Variants in ZAN observed in about 807,000 individuals in gnomAD.
The protein encoded by ZAN is zonadhesin (gene/pseudogene).
ZAN carries 260 observed loss-of-function variants against 286.2 expected under a neutral mutation model. The observed-to-expected ratio is 0.91, with a 90% CI of 0.82 to 1.01. The LOEUF (loss-of-function observed/expected upper bound fraction) is 1.01. Ranked by LOEUF, ZAN falls within the 50% of genes least tolerant of loss-of-function variation. The probability of loss-of-function intolerance (pLI) is 0.00; values close to 1 mark genes in which losing one functional copy is unlikely to be tolerated. For missense variants in ZAN, 3,410 were observed against 3,639.2 expected, an observed-to-expected ratio of 0.94 and a Z score of 1.62; for synonymous variants, 1,368 against 1,417.5, an observed-to-expected ratio of 0.97 and a Z score of 0.79.
chr7:100,780,651 A>C (rs1811137320), intron 35 of ZAN, among the ~76,000 whole-genome samples: 1 of 97,120 alleles, frequency 1.0e-5, no homozygotes, highest in East Asian at 3.9e-4. Flanking sequence ...ACAGAGTGAG[A>C]CTCTCAGAAA....
At position 100,772,020 on chromosome 7, in the gene ZAN, C is replaced by G. The variant is rs201562231; in HGVS notation, c.5425C>G (p.Pro1809Ala). 2 of 1,591,298 alleles carry G rather than the reference C, an allele frequency of 1.3e-6. No individual in the cohort carries two copies. Among genetic ancestry groups the G allele is most frequent in the Non-Finnish European group, 1.7e-6 (2 of 1,170,160 alleles). Residue 1809 changes from proline to alanine, a missense_variant and splice_region_variant, in exon 29 of 48, where the codon CCT (proline) becomes GCT (alanine). By Grantham distance (27) the Pro-to-Ala change is conservative (BLOSUM62 -1). Coordinates refer to ENST00000613979, the MANE Select transcript of ZAN (RefSeq NM_003386.3). ...TGCCTGGCGGAACAGAACCTTCTGCCGTGAGTGACTGGCCACCTGTTCCCA... is the reference window on the plus strand; with the variant it reads ...TGCCTGGCGGAACAGAACCTTCTGCGGTGAGTGACTGGCCACCTGTTCCCA... The part of the protein sequence containing the change: ...APAWRNRTFC[P>A]MRCPPGSSYS...
In ZAN at chr7:100,792,021, C is replaced by T; in HGVS notation, c.7585C>T (p.Leu2529Phe). ...QGAELGLRTGLQVSECSPEQL... is the reference protein window; with the variant it reads ...QGAELGLRTGFQVSECSPEQL... ...GGCGGAGCTGGGCCTCCGCACGGGC[C>T]TCCAAGTGTCCGAATGTAGCCCGGA... is the stretch of plus-strand genomic sequence containing the variant. Residue 2529 changes from leucine (L) to phenylalanine (F), a missense_variant, in exon 41 of 48, where the codon CTC becomes TTC. By Grantham distance (22) the Leu-to-Phe change is conservative (BLOSUM62 0). Coordinates refer to ENST00000613979, the MANE Select transcript of ZAN (RefSeq NM_003386.3). The T allele has an allele frequency of 6.2e-7, 1 of 1,613,386 alleles. No individual in the cohort carries two copies. Among genetic ancestry groups the T allele is most frequent in the Non-Finnish European group, 8.5e-7 (1 of 1,179,820 alleles).
intron 34 of ZAN, among the ~76,000 whole-genome samples, chr7:100,777,491 A>G (rs1056149613): frequency 2.6e-5 from 4 of 152,024 alleles, no homozygotes; most frequent in African/African-American, 7.2e-5. Flanking sequence ...AGTAGCTGGG[A>G]TTACAGGTGC....
intron 8 of ZAN, 84 bp from the exon 9 acceptor site, chr7:100,747,466 T>G (rs549542222): frequency 9.0e-7 from 1 of 1,110,038 alleles, no homozygotes; most frequent in South Asian, 1.2e-5. Flanking sequence ...CTATGCCCTC[T>G]GCTCCTCATC....
At chr7:100,766,752 A>C in intron 24 of ZAN, 86 bp downstream of exon 24, 1 of 1,485,268 alleles carries the variant, frequency 6.7e-7, no homozygotes. Context: ...CAGCTTCCCC[A>C]GACAGCTGAG....
intron 45 of ZAN, among the ~76,000 whole-genome samples, chr7:100,796,616 A>G (rs144283181): frequency 0.096 from 14,608 of 152,020 alleles, 786 homozygotes; most frequent in African/African-American, 0.16. Flanking sequence ...GGGTTTCGCC[A>G]TGTTGGCCAG....
chr7:100,764,183 A>T lies in ZAN; in HGVS notation c.4254A>T (p.Glu1418Asp). 1 of 1,568,874 alleles carries T rather than the reference A, an allele frequency of 6.4e-7. No individual in the cohort carries two copies. Among genetic ancestry groups the T allele is most frequent in the Non-Finnish European group, 8.6e-7 (1 of 1,157,926 alleles). ...DAGHAVKPWR[E>D]PHFCPMACPP... ...GCCACGCTGTGAAGCCCTGGAGGGA[A>T]CCCCACTTCTGCCGTGAGTTGTGCC... Residue 1418 changes from glutamate to aspartate, a missense_variant, in exon 22 of 48, where the codon GAA (glutamate) becomes GAT (aspartate). By Grantham distance (45) the Glu-to-Asp change is conservative (BLOSUM62 2). This residue lies in a region of ZAN where 1,042 missense variants were observed against 1,058.0 expected (regional missense o/e 0.98). Coordinates refer to ENST00000613979, the MANE Select transcript of ZAN (RefSeq NM_003386.3).
Position 100,756,102 on chromosome 7 carries a change from G to A in ZAN, c.3309+692G>A, listed in dbSNP as rs113420480. Among the ~76,000 whole-genome samples the A allele has an allele frequency of 2.7e-3, 409 of 152,018 alleles. 1 individual carries two copies. Among genetic ancestry groups the A allele is most frequent in the African/African-American group, 9.4e-3 (391 of 41,496 alleles). ...TAGGGTTTCACCATATATTCTTTAC[G>A]TCTTTAAATCTTTTATCCATATTTA... On this transcript the variant is annotated intron_variant, in intron 15 of 47. Transcript: ENST00000613979.
intron 18 of ZAN, among the ~76,000 whole-genome samples, chr7:100,760,084 C>G (rs1809447653): frequency 6.6e-6 from 1 of 152,110 alleles, no homozygotes; most frequent in Admixed American, 6.6e-5. Context: ...TGTGGTGGCA[C>G]TTGCCTGTTG....
chr7:100,751,235 T>A lies in ZAN; in HGVS notation c.1575T>A (p.Gly525=). Residue 525 remains glycine (G), a synonymous_variant, in exon 13 of 48, where the codon GGT becomes GGA. Transcript: ENST00000613979. ...ACACGGCCTCTGTGGTTGCTATGGG[T>A]TTCATCTTGATCAATCCTGGGACTT... ...GSNTASVVAM[G]FILINPGTCP... is the part of the protein sequence containing the mutation. 6.2e-7 allele frequency: 1 copy of A among 1,609,072 alleles called. No individual in the cohort carries two copies. Among genetic ancestry groups the A allele is most frequent in the African/African-American group, 1.3e-5 (1 of 74,862 alleles).
At chr7:100,787,384 T>C (rs1811629338) in intron 37 of ZAN, among the ~76,000 whole-genome samples, 1 of 151,824 alleles carries the variant, frequency 6.6e-6, no homozygotes, top group Non-Finnish European at 1.5e-5. Flanking sequence ...CCACTTGTAC[T>C]CCAGTCTGGG....
In ZAN at chr7:100,793,812, C is replaced by A; in HGVS notation, c.7788-8C>A. ...CCAGCCAGTTTCTGACCATGACTGT[C>A]CCCGCAGCCATGGAGTGTCCAGCAG... is the stretch of plus-strand genomic sequence containing the variant. On this transcript the variant is annotated splice_polypyrimidine_tract_variant and splice_region_variant and intron_variant, in intron 42 of 47. Transcript: ENST00000613979. 11 of 1,573,926 alleles carry A rather than the reference C, an allele frequency of 7.0e-6. No individual in the cohort carries two copies. Among genetic ancestry groups the A allele is most frequent in the Non-Finnish European group, 8.6e-6 (10 of 1,157,292 alleles).
Position 100,765,366 on chromosome 7 carries a change from C to T in ZAN, c.4282C>T (p.Pro1428Ser). 3.1e-6 allele frequency: 5 copies of T among 1,613,930 alleles called. No individual in the cohort carries two copies. The highest frequency in any genetic ancestry group is 2.7e-5 in the African/African-American group (2 of 75,070). Residue 1428 changes from proline to serine, a missense_variant, in exon 23 of 48, where the codon CCC (proline) becomes TCC (serine). Around this residue, in one of 7 missense-constraint regions of ZAN, gnomAD observed 1,042 missense variants for 1,058.0 expected, o/e 0.98. Coordinates refer to ENST00000613979, the MANE Select transcript of ZAN (RefSeq NM_003386.3). ...CCCTCCACCAGCAATGGCCTGCCCG[C>T]CCAACAGCAAGTACTCCCTGTGTGC... ...EPHFCPMACP[P>S]NSKYSLCAKP...
chr7:100,786,255 T>G, intron 37 of ZAN, 114 bp downstream of exon 37: 7 of 1,477,704 alleles, frequency 4.7e-6, no homozygotes, highest in Non-Finnish European at 6.4e-6. Context: ...AGTCAGGGGT[T>G]GGGGCGGGCG....
chr7:100,776,953 C>T (rs1184579224), intron 34 of ZAN, among the ~76,000 whole-genome samples: 4 of 148,038 alleles, frequency 2.7e-5, no homozygotes, highest in Admixed American at 1.4e-4. Context: ...AGGATGGTCT[C>T]GATCTTCTGA....
At chr7:100,745,607 C>T (rs1328527045) in intron 7 of ZAN, among the ~76,000 whole-genome samples, 1 of 151,848 alleles carries the variant, frequency 6.6e-6, no homozygotes, top group Non-Finnish European at 1.5e-5. Context: ...AAGAGGCAAT[C>T]GGGTGTAGTG....
chr7:100,746,820 C>A, intron 8 of ZAN, 118 bp downstream of exon 8: 4 of 1,229,448 alleles, frequency 3.3e-6, no homozygotes, highest in Non-Finnish European at 4.6e-6. Flanking sequence ...ATGTGCGAGA[C>A]TATTCCATGA....
Position 100,788,179 on chromosome 7 carries a change from G to A in ZAN, c.7227+43G>A, listed in dbSNP as rs373687908. 7.7e-5 allele frequency: 111 copies of A among 1,435,916 alleles called. No homozygotes were observed. The African/African-American group carries it at 1.5e-3, about 19-fold the overall frequency. 88.9% of individuals were successfully genotyped at this position (1,435,916 alleles called of 1,614,324 possible). On this transcript the variant is annotated intron_variant, in intron 38 of 47. Transcript: ENST00000613979. The stretch of plus-strand genomic sequence containing the variant: ...GCCTGGTGGGTGTGGGGAGGCAGCT[G>A]GACCAGGTAGGCCACCTGGAGTAGA...
chr7:100,771,580 C>T (rs1810370696), intron 28 of ZAN, among the ~76,000 whole-genome samples: 2 of 152,050 alleles, frequency 1.3e-5, no homozygotes, highest in Admixed American at 1.3e-4. Flanking sequence ...TACAGGTGCC[C>T]TCTACTATGC....
Sources: gnomAD v4.1 joint callset for allele counts (sites outside exome capture counted in the v4.1 genomes callset) on GRCh38, gnomAD v4.1.1 for gene constraint, gnomAD v4.1.1 regional missense constraint, MANE v1.5 for transcripts, NCBI Gene and HGNC (gene_info 2026-07-23, HGNC 2026-07-21) for gene names.